Variants in ARID4B observed in about 807,000 individuals in gnomAD.
The protein encoded by ARID4B is AT-rich interactive domain-containing protein 4B.
Under a neutral mutation model 147.5 loss-of-function variants are expected in ARID4B, and 26 were observed. That is an observed-to-expected ratio of 0.18 (90% CI 0.13 to 0.24). The LOEUF (loss-of-function observed/expected upper bound fraction) is 0.24. Among genes scored for constraint, ARID4B ranks in the 10% least tolerant of loss-of-function variants. ARID4B has a pLI of 1.00. For missense variants in ARID4B, 1,179 were observed against 1,511.5 expected, an observed-to-expected ratio of 0.78 and a Z score of 3.65; for synonymous variants, 512 against 507.9, an observed-to-expected ratio of 1.01 and a Z score of -0.11.
chr1:235,180,756 C>A (rs955335535), intron 20 of ARID4B: 2 of 151,988 alleles, frequency 1.3e-5, no homozygotes, highest in Non-Finnish European at 2.9e-5. Flanking sequence ...AAATCTTTTA[C>A]GGTATATAAA....
chr1:235,262,189 C>A (rs1224528828), intron 2 of ARID4B, among the ~76,000 whole-genome samples: 1 of 152,006 alleles, frequency 6.6e-6, no homozygotes, highest in African/African-American at 2.4e-5. Context: ...AAAATAAATT[C>A]TCCCCTAAAA....
At chr1:235,196,592 C>G (rs1455401469) in intron 17 of ARID4B, among the ~76,000 whole-genome samples, 1 of 152,062 alleles carries the variant, frequency 6.6e-6, no homozygotes, top group Non-Finnish European at 1.5e-5. Flanking sequence ...GTGGCTCACA[C>G]CAGTAATCCT....
At chr1:235,245,240 T>A (rs1389290467) in intron 7 of ARID4B, among the ~76,000 whole-genome samples, 1 of 152,144 alleles carries the variant, frequency 6.6e-6, no homozygotes, top group African/African-American at 2.4e-5. Context: ...ATCAACTTAT[T>A]CAGCAACAAA....
At chr1:235,275,440 A>T (rs1269607354) in intron 2 of ARID4B, among the ~76,000 whole-genome samples, 2 of 152,208 alleles carry the variant, frequency 1.3e-5, no homozygotes, top group South Asian at 2.1e-4. Context: ...AGTAAGAAAT[A>T]AAACAGATGC....
chr1:235,223,403 G>GTA lies in ARID4B; in HGVS notation c.971-145_971-144dup, dbSNP rs1218602254. The GTA allele has an allele frequency of 8.6e-4, 76 of 88,172 alleles. 2 individuals are homozygous for GTA. In the South Asian group the frequency reaches 0.036, roughly 42 times the overall value. The allele number at this position is 88,172 out of a possible 1,614,324, so 5.5% of individuals were successfully genotyped here. ...TATATACACGTATATATATGTGTGTGTATATATACATATATATGTATATAT... is the reference window on the plus strand; with the variant it reads ...TATATACACGTATATATATGTGTGTGTATATATATACATATATATGTATATAT... On this transcript the variant is annotated intron_variant, in intron 12 of 23. Coordinates refer to ENST00000264183, the MANE Select transcript of ARID4B (RefSeq NM_016374.6).
chr1:235,280,591 G>A (rs1180198325), intron 2 of ARID4B, among the ~76,000 whole-genome samples: 2 of 152,280 alleles, frequency 1.3e-5, no homozygotes, highest in Admixed American at 6.5e-5. Flanking sequence ...GCTTCAGGTG[G>A]GCAGGTGGCC....
At chr1:235,203,052 A>T (rs1666059800) in intron 17 of ARID4B, among the ~76,000 whole-genome samples, 1 of 152,238 alleles carries the variant, frequency 6.6e-6, no homozygotes, top group Non-Finnish European at 1.5e-5. Context: ...CAGTAATGAC[A>T]AATTGTGAAT....
At chr1:235,255,263 A>ATAGATAGATCTATC (rs1553304328) in intron 5 of ARID4B, among the ~76,000 whole-genome samples, 1 of 90,742 alleles carries the variant, frequency 1.1e-5, no homozygotes, top group African/African-American at 3.9e-5. Flanking sequence ...AGATAGATAG[A>ATAGATAGATCTATC]TATATATCTC....
chr1:235,289,388 T>G (rs765112360), intron 2 of ARID4B, among the ~76,000 whole-genome samples: 2 of 152,126 alleles, frequency 1.3e-5, no homozygotes, highest in Admixed American at 6.5e-5. Context: ...AGAGCTTGAC[T>G]CTCATACATA....
chr1:235,299,339 G>C (rs775849432), intron 2 of ARID4B, among the ~76,000 whole-genome samples: 1 of 152,042 alleles, frequency 6.6e-6, no homozygotes, highest in East Asian at 1.9e-4. Context: ...TCAGCCGCCC[G>C]AGTAGCTGGG....
chr1:235,224,862 T>A (rs1667723003), intron 11 of ARID4B, 87 bp from the exon 12 acceptor site: 6 of 898,100 alleles, frequency 6.7e-6, no homozygotes, highest in African/African-American at 1.7e-5. Context: ...CAAAGACTAG[T>A]GTTCATTAAA....
chr1:235,281,655 A>G (rs1158023188), intron 2 of ARID4B, among the ~76,000 whole-genome samples: 2 of 152,154 alleles, frequency 1.3e-5, no homozygotes, highest in Non-Finnish European at 2.9e-5. Flanking sequence ...GCCTGCAGTG[A>G]GTTGTTATCA....
chr1:235,275,944 C>G (rs750212416), intron 2 of ARID4B, among the ~76,000 whole-genome samples: 3 of 152,078 alleles, frequency 2.0e-5, no homozygotes, highest in African/African-American at 7.2e-5. Flanking sequence ...CAAGACCAGC[C>G]GGGACAACAC....
chr1:235,319,006 A>G (rs1476629533), intron 2 of ARID4B, among the ~76,000 whole-genome samples: 1 of 152,182 alleles, frequency 6.6e-6, no homozygotes, highest in Non-Finnish European at 1.5e-5. Context: ...GCAGTGACAG[A>G]TAGCTAGGGA....
intron 21 of ARID4B, among the ~76,000 whole-genome samples, chr1:235,176,296 G>A (rs1039715641): frequency 6.6e-6 from 1 of 151,740 alleles, no homozygotes; most frequent in Non-Finnish European, 1.5e-5. Flanking sequence ...CTTAGGAAAT[G>A]TCATTTAAAT....
In ARID4B at chr1:235,189,629, C is replaced by T. The variant is rs1388191384; in HGVS notation, c.2125+4384G>A. The stretch of plus-strand genomic sequence containing the variant: ...TAACAGCCAAGTGCAGTGTCATGCA[C>T]CTATACCCCAGCTACCCAACTACTT... On this transcript the variant is annotated intron_variant, in intron 19 of 23. Coordinates refer to ENST00000264183, the MANE Select transcript of ARID4B (RefSeq NM_016374.6). Among the ~76,000 whole-genome samples the T allele has an allele frequency of 3.7e-4, 56 of 151,234 alleles. 1 individual carries two copies. Among genetic ancestry groups the T allele is most frequent in the Admixed American group, 6.6e-5 (1 of 15,184 alleles).
chr1:235,282,906 G>A (rs905445766), intron 2 of ARID4B, among the ~76,000 whole-genome samples: 5 of 151,860 alleles, frequency 3.3e-5, no homozygotes, highest in African/African-American at 4.8e-5. Flanking sequence ...TCAGCCTCCC[G>A]AGTAGTTGGG....
intron 8 of ARID4B, among the ~76,000 whole-genome samples, chr1:235,236,862 A>ATATATTT (rs1426582533): frequency 5.7e-4 from 10 of 17,492 alleles, no homozygotes; most frequent in Admixed American, 1.2e-3. Flanking sequence ...ATATATATAT[A>ATATATTT]TTTTTTTTTT....
At chr1:235,320,145 T>A (rs140486479) in intron 2 of ARID4B, among the ~76,000 whole-genome samples, 3,750 of 135,998 alleles carry the variant, frequency 0.028, 140 homozygotes, top group African/African-American at 0.096. Context: ...AAACAAAAAA[T>A]ACAAAAAAAA....
Sources: allele counts gnomAD v4.1 joint callset (sites outside exome capture counted in the v4.1 genomes callset), GRCh38; gene constraint gnomAD v4.1.1; transcripts MANE v1.5; gene names NCBI Gene and HGNC (gene_info 2026-07-23, HGNC 2026-07-21).